Variants in PPP1R13B observed in about 807,000 individuals in gnomAD.
PPP1R13B encodes the protein apoptosis-stimulating of p53 protein 1.
A neutral mutation model predicts 119.8 loss-of-function variants in PPP1R13B; 44 were observed. That is an observed-to-expected ratio of 0.37 (90% CI 0.29 to 0.47). The LOEUF is 0.47. Ranked by LOEUF, PPP1R13B falls within the 20% of genes least tolerant of loss-of-function variation. The pLI is 0.99. For missense variants in PPP1R13B, 1,227 were observed against 1,413.5 expected, an observed-to-expected ratio of 0.87 and a Z score of 2.12; for synonymous variants, 542 against 561.5, an observed-to-expected ratio of 0.97 and a Z score of 0.49.
In PPP1R13B at chr14:103,735,199, G is replaced by A. The variant is rs1192312774; in HGVS notation, c.3232-4C>T. ...GGGGTTTGATCCGTGGATACAGCTG[G>A]GAAGCAACGGAGCCGCGTCAGGACA... is the stretch of plus-strand genomic sequence containing the variant. On this transcript the variant is annotated splice_region_variant and splice_polypyrimidine_tract_variant and intron_variant, in intron 16 of 16. Coordinates refer to ENST00000202556, the MANE Select transcript of PPP1R13B (RefSeq NM_015316.3). The A allele has an allele frequency of 6.8e-6, 11 of 1,613,998 alleles. No individual in the cohort carries two copies. The highest frequency in any genetic ancestry group is 4.5e-5 in the East Asian group (2 of 44,868).
chr14:103,785,114 TAAAC>T (rs995632067), intron 2 of PPP1R13B, among the ~76,000 whole-genome samples, 200 bp from the exon 3 acceptor site: 1 of 152,200 alleles, frequency 6.6e-6, no homozygotes, highest in African/African-American at 2.4e-5. Context: ...AGGCAACAGA[TAAAC>T]ACAAAAAGTA....
rs1238533957 is a variant in PPP1R13B at position 103,747,546 on chromosome 14, TG to T, written c.970-994del. 10 of 152,312 alleles carry T rather than the reference TG, an allele frequency of 6.6e-5. No individual in the cohort carries two copies. The South Asian group carries it at 1.0e-3, about 16-fold the overall frequency. The allele number at this position is 152,312 out of a possible 1,614,324, so 9.4% of individuals were successfully genotyped here. On this transcript the variant is annotated intron_variant, in intron 8 of 16. Transcript: ENST00000202556. ...TTTTTTTTTAATTTCCATAGGTTTT[TG>T]GGAAACAGGTGGTGTTTGGTTACAT... is the stretch of plus-strand genomic sequence containing the variant.
chr14:103,847,499 G>C lies in PPP1R13B; in HGVS notation c.-192C>G, dbSNP rs2087082467. The C allele has an allele frequency of 3.0e-6, 3 of 984,806 alleles. No individual in the cohort carries two copies. The highest frequency in any genetic ancestry group is 3.6e-6 in the Non-Finnish European group (3 of 830,524). The allele number at this position is 984,806 out of a possible 1,614,324, so 61.0% of individuals were successfully genotyped here. On this transcript the variant is annotated 5_prime_UTR_variant, in exon 1 of 17. Coordinates refer to ENST00000202556, the MANE Select transcript of PPP1R13B (RefSeq NM_015316.3). ...CCTGTCGCGGCCGCCGGCGCGCTGCGTCGCTGTCCCGGGCACCCGGCCGCC... is the reference window on the plus strand; with the variant it reads ...CCTGTCGCGGCCGCCGGCGCGCTGCCTCGCTGTCCCGGGCACCCGGCCGCC...
At position 103,847,485 on chromosome 14, in the gene PPP1R13B, C is replaced by A; in HGVS notation, c.-178G>T. 1 of 986,320 alleles carries A rather than the reference C, an allele frequency of 1.0e-6. No individual in the cohort carries two copies. The highest frequency in any genetic ancestry group is 1.2e-6 in the Non-Finnish European group (1 of 831,560). The allele number at this position is 986,320 out of a possible 1,614,324, so 61.1% of individuals were successfully genotyped here. ...GGGCTCTCGCTGGCCCTGTCGCGGC[C>A]GCCGGCGCGCTGCGTCGCTGTCCCG... On this transcript the variant is annotated 5_prime_UTR_variant, in exon 1 of 17. Transcript: ENST00000202556.
chr14:103,790,334 G>A (rs1411504372), intron 2 of PPP1R13B, among the ~76,000 whole-genome samples: 2 of 151,844 alleles, frequency 1.3e-5, no homozygotes, highest in African/African-American at 2.4e-5. Context: ...AACCAAAAAC[G>A]TAAACAATCT....
At chr14:103,765,478 C>T (rs910180063) in intron 4 of PPP1R13B, among the ~76,000 whole-genome samples, 5 of 152,170 alleles carry the variant, frequency 3.3e-5, no homozygotes, top group Non-Finnish European at 5.9e-5. Context: ...TCCCTAAATT[C>T]CCTATTTCTA....
At chr14:103,773,329 T>TA (rs2085112877) in intron 4 of PPP1R13B, among the ~76,000 whole-genome samples, 1 of 152,106 alleles carries the variant, frequency 6.6e-6, no homozygotes, top group Non-Finnish European at 1.5e-5. Flanking sequence ...GAAGATAAAA[T>TA]ACTTCTCGAG....
At chr14:103,801,474 A>C (rs185386578) in intron 1 of PPP1R13B, among the ~76,000 whole-genome samples, 225 of 152,056 alleles carry the variant, frequency 1.5e-3, no homozygotes, top group Non-Finnish European at 2.7e-3. Context: ...CTGCCCAAGT[A>C]CCCTTCCTGT....
rs1164648791 is a variant in PPP1R13B, at chr14:103,810,777, G to GA, written c.10-13260dup. Reference sequence around the variant, plus strand: ...CAGAGCGAGACTCCATCTCAAAAAAGAAAAAAAAAAATTGAAAGTGACTGC... The same window carrying GA: ...CAGAGCGAGACTCCATCTCAAAAAAGAAAAAAAAAAAATTGAAAGTGACTGC... On this transcript the variant is annotated intron_variant, in intron 1 of 16. Transcript: ENST00000202556. Among the ~76,000 whole-genome samples the GA allele has an allele frequency of 3.0e-3, 421 of 139,340 alleles. 2 individuals carry two copies. The highest frequency in any genetic ancestry group is 0.013 in the Middle Eastern group (3 of 234). The allele number at this position is 139,340 out of a possible 152,430, so 91.4% of individuals were successfully genotyped here. A position where few individuals can be genotyped will look rare whatever the true frequency, so the allele number is the denominator to read the frequency against.
At chr14:103,847,645 T>G (rs1362617733), upstream of PPP1R13B, 2 of 981,630 alleles carry the variant, frequency 2.0e-6, no homozygotes, top group African/African-American at 3.5e-5. Context: ...CCCGCACGGG[T>G]CCCGTAGCCC....
At chr14:103,811,811 C>G (rs1228658292) in intron 1 of PPP1R13B, among the ~76,000 whole-genome samples, 1 of 151,982 alleles carries the variant, frequency 6.6e-6, no homozygotes, top group Admixed American at 6.6e-5. Flanking sequence ...AATCCCAGCA[C>G]TTTGGGAGGC....
intron 1 of PPP1R13B, among the ~76,000 whole-genome samples, chr14:103,814,921 G>A (rs971863608): frequency 2.0e-5 from 3 of 151,712 alleles, no homozygotes; most frequent in Admixed American, 6.6e-5. Flanking sequence ...CTGCAGCCTG[G>A]GCGACAGAGC....
chr14:103,824,039 C>CTTTTTTTTTT (rs35194586), intron 1 of PPP1R13B, among the ~76,000 whole-genome samples: 3 of 75,142 alleles, frequency 4.0e-5, no homozygotes, highest in Non-Finnish European at 7.3e-5. Context: ...CTACCTCATC[C>CTTTTTTTTTT]TTTTTTTTTT....
rs984599709 is a variant in PPP1R13B at position 103,738,702 on chromosome 14, C to G, written c.2841G>C (p.Val947=). ...ACCATCCATCACTATCAGCAGCATT[C>G]ACGTTGACACCAAAATCCAGCAGGA... The part of the protein sequence containing the change: ...VKFLLDFGVN[V]NAADSDGWTP... Residue 947 remains valine, a synonymous_variant, in exon 14 of 17, where the codon GTG becomes GTC. Coordinates refer to ENST00000202556, the MANE Select transcript of PPP1R13B (RefSeq NM_015316.3). This position sits in a 1 kb window ranked among gnomAD's most constrained non-coding sequence, Gnocchi z 5.6. 2.5e-6 allele frequency: 4 copies of G among 1,614,246 alleles called. No individual in the cohort carries two copies. The highest frequency in any genetic ancestry group is 3.4e-6 in the Non-Finnish European group (4 of 1,180,046).
intron 1 of PPP1R13B, among the ~76,000 whole-genome samples, chr14:103,823,962 A>G (rs1595825817): frequency 6.6e-6 from 1 of 151,690 alleles, no homozygotes; most frequent in East Asian, 1.9e-4. Context: ...CTTTTTCACA[A>G]TGAGGCCACA....
At chr14:103,795,051 C>A (rs1202688533) in intron 2 of PPP1R13B, among the ~76,000 whole-genome samples, 1 of 152,206 alleles carries the variant, frequency 6.6e-6, no homozygotes, top group Non-Finnish European at 1.5e-5. Context: ...TCAAGGGATT[C>A]TCCTGCCTCC....
At chr14:103,737,591 C>T (rs1047657564) in intron 15 of PPP1R13B, 103 bp downstream of exon 15, 4 of 1,398,592 alleles carry the variant, frequency 2.9e-6, no homozygotes, top group Non-Finnish European at 3.8e-6. Context: ...TTAAAAAAAA[C>T]AAACAGAAAG....
At chr14:103,807,556 G>A (rs937548471) in intron 1 of PPP1R13B, among the ~76,000 whole-genome samples, 4 of 152,136 alleles carry the variant, frequency 2.6e-5, no homozygotes, top group African/African-American at 4.8e-5. Context: ...CTGCAGTGGC[G>A]CGATCTCGGC....
chr14:103,785,659 C>CATGGGATTA (rs2152026657), intron 2 of PPP1R13B, among the ~76,000 whole-genome samples: 1 of 151,890 alleles, frequency 6.6e-6, no homozygotes, highest in South Asian at 2.1e-4. Flanking sequence ...TTACAGGTGC[C>CATGGGATTA]CACCACCATG....
Sources: allele counts gnomAD v4.1 joint callset (sites outside exome capture counted in the v4.1 genomes callset), GRCh38; gene constraint gnomAD v4.1.1; non-coding constraint Gnocchi (gnomAD v3.1); transcripts MANE v1.5; gene names NCBI Gene and HGNC (gene_info 2026-07-23, HGNC 2026-07-21).